The following EDN1 variants were observed in gnomAD, a reference collection of about 807,000 sequenced individuals.
EDN1 encodes endothelin-1.
In EDN1, 11 loss-of-function variants were observed where a neutral mutation model predicts 21.7. The observed-to-expected ratio is 0.51, with a 90% CI of 0.32 to 0.84. EDN1 has a LOEUF of 0.84. Among genes scored for constraint, EDN1 ranks in the 40% least tolerant of loss-of-function variants. The pLI is 0.03. For missense variants in EDN1, 244 were observed against 262.3 expected (o/e 0.93, Z 0.48); for synonymous variants, 85 against 90.6 (o/e 0.94, Z 0.35).
At chr6:12,294,239 T>C in intron 3 of EDN1, 22 bp from the exon 4 acceptor site, 1 of 1,614,138 alleles carries the variant, frequency 6.2e-7, no homozygotes, top group South Asian at 1.1e-5. Flanking sequence ...GCTGAAATGT[T>C]TTTCCTTGTG....
the EDN1 span, among the ~76,000 whole-genome samples, chr6:12,283,221 T>C: frequency 2.0e-5 from 3 of 152,218 alleles, no homozygotes; most frequent in African/African-American, 7.2e-5. Flanking sequence ...AAATATACTG[T>C]TTCCCTTTTC....
chr6:12,295,841 G>C, intron 4 of EDN1, 121 bp from the exon 5 acceptor site: 1 of 869,056 alleles, frequency 1.2e-6, no homozygotes, highest in Non-Finnish European at 1.8e-6. Flanking sequence ...TGCGGCGGGT[G>C]GTGAAAGTTC....
chr6:12,247,346 A>C, the EDN1 span, among the ~76,000 whole-genome samples: 1 of 152,194 alleles, frequency 6.6e-6, no homozygotes, highest in African/African-American at 2.4e-5. Context: ...ATAAATGAGT[A>C]ACATGTTTCT....
upstream of EDN1, among the ~76,000 whole-genome samples, chr6:12,289,079 GCTTT>G (rs1328521900): frequency 6.6e-6 from 1 of 152,164 alleles, no homozygotes; most frequent in Non-Finnish European, 1.5e-5. Context: ...TGCACCTTTT[GCTTT>G]CTTTATTAAG....
At chr6:12,250,119 A>T in the EDN1 span, among the ~76,000 whole-genome samples, 14 of 151,928 alleles carry the variant, frequency 9.2e-5, no homozygotes, top group Non-Finnish European at 1.5e-4. Flanking sequence ...TTCCTGACCC[A>T]TGCACTCTTA....
the EDN1 span, among the ~76,000 whole-genome samples, chr6:12,261,215 G>A: frequency 6.6e-6 from 1 of 152,096 alleles, no homozygotes; most frequent in Non-Finnish European, 1.5e-5. Flanking sequence ...CTGCTTCAGG[G>A]AAACACCTCG....
At chr6:12,240,568 C>T in the EDN1 span, among the ~76,000 whole-genome samples, 1 of 152,066 alleles carries the variant, frequency 6.6e-6, no homozygotes, top group Admixed American at 6.6e-5. Context: ...AGTAGTTACA[C>T]TCAGACCTGA....
chr6:12,254,395 G>A, the EDN1 span, among the ~76,000 whole-genome samples: 1 of 152,090 alleles, frequency 6.6e-6, no homozygotes, highest in Non-Finnish European at 1.5e-5. Flanking sequence ...ATCTGGTCGA[G>A]TTCCTATTCT....
chr6:12,290,387 C>A lies in EDN1; in HGVS notation c.-243C>A, dbSNP rs1051559678. 1.1e-5 allele frequency: 6 copies of A among 557,232 alleles called. No individual in the cohort carries two copies. The highest frequency in any genetic ancestry group is 1.6e-5 in the Non-Finnish European group (5 of 311,966). The allele number at this position is 557,232 out of a possible 1,614,324, so 34.5% of individuals were successfully genotyped here. ...GACGCGCCTCTGCATCTGCGCCAGG[C>A]GAACGGGTCCTGCGCCTCCTGCAGT... On this transcript the variant is annotated 5_prime_UTR_variant, in exon 1 of 5. Coordinates refer to ENST00000379375, the MANE Select transcript of EDN1 (RefSeq NM_001955.5).
the EDN1 span, among the ~76,000 whole-genome samples, chr6:12,251,534 G>A: frequency 2.0e-5 from 3 of 152,112 alleles, no homozygotes; most frequent in South Asian, 2.1e-4. Context: ...CTTGTGAAAC[G>A]TGCCCCAAAA....
At chr6:12,249,343 A>C in the EDN1 span, among the ~76,000 whole-genome samples, 1 of 152,142 alleles carries the variant, frequency 6.6e-6, no homozygotes. Flanking sequence ...TCAAAATCTC[A>C]TGCTTTGAAG....
chr6:12,268,907 T>C, the EDN1 span, among the ~76,000 whole-genome samples: 3 of 152,304 alleles, frequency 2.0e-5, no homozygotes, highest in Non-Finnish European at 4.4e-5. Flanking sequence ...ATTGAATCTA[T>C]AGATGACTTT....
At chr6:12,278,005 A>G in the EDN1 span, among the ~76,000 whole-genome samples, 1 of 152,238 alleles carries the variant, frequency 6.6e-6, no homozygotes, top group Non-Finnish European at 1.5e-5. Context: ...CTTGGTTATG[A>G]ATTAAAGATC....
At chr6:12,261,127 C>T in the EDN1 span, among the ~76,000 whole-genome samples, 1 of 152,070 alleles carries the variant, frequency 6.6e-6, no homozygotes, top group East Asian at 1.9e-4. Context: ...ACTTGAGTGC[C>T]CAGTTATTTG....
the EDN1 span, among the ~76,000 whole-genome samples, chr6:12,278,314 T>A: frequency 6.6e-6 from 1 of 152,142 alleles, no homozygotes; most frequent in Non-Finnish European, 1.5e-5. Context: ...CCAAACCTCA[T>A]CAGTTCTCAG....
At chr6:12,263,845 C>T in the EDN1 span, among the ~76,000 whole-genome samples, 16 of 152,108 alleles carry the variant, frequency 1.1e-4, no homozygotes, top group Non-Finnish European at 1.9e-4. Flanking sequence ...TTCCTGGAAA[C>T]TGTCTTTGTC....
At chr6:12,246,922 T>C in the EDN1 span, among the ~76,000 whole-genome samples, 6 of 152,372 alleles carry the variant, frequency 3.9e-5, no homozygotes, top group Non-Finnish European at 5.9e-5. Flanking sequence ...TGTTATTATG[T>C]AGCACTATTG....
the EDN1 span, among the ~76,000 whole-genome samples, chr6:12,269,259 A>G: frequency 6.6e-6 from 1 of 152,064 alleles, no homozygotes; most frequent in Non-Finnish European, 1.5e-5. Context: ...TCTATATGCA[A>G]GTTCATATCA....
At position 12,296,495 on chromosome 6, in the gene EDN1, G is replaced by A. The variant is rs1762828705; in HGVS notation, c.*428G>A. 6.3e-6 allele frequency: 1 copy of A among 159,936 alleles called. No individual in the cohort carries two copies. Among genetic ancestry groups the A allele is most frequent in the Non-Finnish European group, 1.4e-5 (1 of 72,154 alleles). The allele number at this position is 159,936 out of a possible 1,614,324, so 9.9% of individuals were successfully genotyped here. A position where few individuals can be genotyped will look rare whatever the true frequency, so the allele number is the denominator to read the frequency against. On this transcript the variant is annotated 3_prime_UTR_variant, in exon 5 of 5. Coordinates refer to ENST00000379375, the MANE Select transcript of EDN1 (RefSeq NM_001955.5). The stretch of plus-strand genomic sequence containing the variant: ...AAAGTCCACACAAAGATTTTCTAAG[G>A]AATGCACAAATTGAAAACACACTCA...
Sources: gnomAD v4.1 joint callset for allele counts (sites outside exome capture counted in the v4.1 genomes callset) on GRCh38, gnomAD v4.1.1 for gene constraint, MANE v1.5 for transcripts, NCBI Gene and HGNC (gene_info 2026-07-23, HGNC 2026-07-21) for gene names.